FSTL5: variants seen among roughly 807,000 people sequenced by gnomAD.
The protein encoded by FSTL5 is follistatin-related protein 5.
FSTL5 carries 62 observed loss-of-function variants against 89.1 expected under a neutral mutation model. That is an observed-to-expected ratio of 0.70 (90% confidence interval 0.57 to 0.86). The LOEUF is 0.86. Among genes scored for constraint, FSTL5 ranks in the 40% least tolerant of loss-of-function variants. The pLI is 0.00. For synonymous variants in FSTL5, 383 were observed against 346.2 expected, an observed-to-expected ratio of 1.11 and a Z score of -1.18; for missense variants, 1,057 against 1,001.6, an observed-to-expected ratio of 1.06 and a Z score of -0.75.
chr4:162,113,779 A>T (rs1262224602), intron 1 of FSTL5, among the ~76,000 whole-genome samples: 1 of 152,060 alleles, frequency 6.6e-6, no homozygotes, highest in Non-Finnish European at 1.5e-5. Context: ...CACACATCAG[A>T]CATTTCTCTC....
chr4:161,440,412 C>T (rs1031884736), intron 15 of FSTL5, among the ~76,000 whole-genome samples: 2 of 150,226 alleles, frequency 1.3e-5, no homozygotes, highest in East Asian at 1.9e-4. Context: ...GCTGATGAGC[C>T]GAAAAAGAAA....
At chr4:161,722,220 G>T (rs1739243087) in intron 6 of FSTL5, among the ~76,000 whole-genome samples, 1 of 152,082 alleles carries the variant, frequency 6.6e-6, no homozygotes, top group Non-Finnish European at 1.5e-5. Context: ...GGAATTAAAT[G>T]CAAATGCAAA....
chr4:161,437,566 A>AAAAAAC (rs1491466417), intron 15 of FSTL5, among the ~76,000 whole-genome samples: 24 of 47,852 alleles, frequency 5.0e-4, no homozygotes, highest in Non-Finnish European at 1.7e-3. Context: ...ACTCCGTCTC[A>AAAAAAC]AAAAAAAAAA....
chr4:161,544,090 A>G (rs191235775), intron 8 of FSTL5, among the ~76,000 whole-genome samples: 1 of 152,112 alleles, frequency 6.6e-6, no homozygotes, highest in Admixed American at 6.6e-5. Flanking sequence ...TCATTTCTCT[A>G]TTGAAGATGT....
chr4:161,963,035 G>C (rs931341212), intron 3 of FSTL5, among the ~76,000 whole-genome samples: 1 of 151,806 alleles, frequency 6.6e-6, no homozygotes, highest in African/African-American at 2.4e-5. Flanking sequence ...ATTTTGTTTA[G>C]CTCAAACTTA....
intron 4 of FSTL5, among the ~76,000 whole-genome samples, chr4:161,803,555 T>G (rs930159705): frequency 6.6e-6 from 1 of 151,972 alleles, no homozygotes. Flanking sequence ...AGTTTCCAAT[T>G]GCTGACCTAC....
At chr4:161,845,483 A>G (rs926845862) in intron 4 of FSTL5, among the ~76,000 whole-genome samples, 1 of 152,184 alleles carries the variant, frequency 6.6e-6, no homozygotes, top group Admixed American at 6.6e-5. Flanking sequence ...AAGTGATATT[A>G]TCAAGGTTGA....
In FSTL5 at chr4:162,043,274, G is replaced by T. The variant is rs1031342163; in HGVS notation, c.127-9616C>A. The T allele has an allele frequency of 5.3e-5, 8 of 152,140 alleles. No homozygotes were observed. The East Asian group carries it at 9.6e-4, about 18-fold the overall frequency. The allele number at this position is 152,140 out of a possible 1,614,324, so 9.4% of individuals were successfully genotyped here. ...CATACCTCAAAATATTGCAGGATCAGTTCCAGACCACTGCCATGAAGTCAA... is the reference window on the plus strand; with the variant it reads ...CATACCTCAAAATATTGCAGGATCATTTCCAGACCACTGCCATGAAGTCAA... On this transcript the variant is annotated intron_variant, in intron 2 of 15. Transcript: ENST00000306100.
chr4:162,092,628 A>C (rs1006872813), intron 2 of FSTL5, among the ~76,000 whole-genome samples: 2 of 152,168 alleles, frequency 1.3e-5, no homozygotes, highest in East Asian at 3.9e-4. Context: ...CTAGAAACCC[A>C]AAAATTCTAA....
intron 10 of FSTL5, among the ~76,000 whole-genome samples, chr4:161,515,734 C>A (rs914314447): frequency 1.3e-5 from 2 of 151,604 alleles, no homozygotes; most frequent in Admixed American, 1.3e-4. Flanking sequence ...AACCTAGTAC[C>A]AATATCAGAT....
At chr4:161,709,566 C>T (rs1738704382) in intron 6 of FSTL5, among the ~76,000 whole-genome samples, 1 of 151,872 alleles carries the variant, frequency 6.6e-6, no homozygotes, top group African/African-American at 2.4e-5. Flanking sequence ...TTTGGGAGGC[C>T]GAGGCAGGAT....
chr4:161,885,345 G>A (rs1732773522), intron 4 of FSTL5, among the ~76,000 whole-genome samples: 1 of 151,962 alleles, frequency 6.6e-6, no homozygotes, highest in South Asian at 2.1e-4. Context: ...ACTCTGTTTT[G>A]GAAATCTAAC....
At chr4:162,157,688 A>G (rs1733535431) in intron 1 of FSTL5, among the ~76,000 whole-genome samples, 1 of 152,166 alleles carries the variant, frequency 6.6e-6, no homozygotes, top group South Asian at 2.1e-4. Context: ...TTTCCACTTT[A>G]AAGTTAAACA....
intron 8 of FSTL5, among the ~76,000 whole-genome samples, chr4:161,572,783 T>A (rs1346721358): frequency 6.6e-6 from 1 of 152,118 alleles, no homozygotes; most frequent in African/African-American, 2.4e-5. Context: ...GGTGACTGAA[T>A]GAAACAGAAC....
At chr4:162,034,414 G>GTTTAT (rs1272438024) in intron 2 of FSTL5, among the ~76,000 whole-genome samples, 115 of 152,132 alleles carry the variant, frequency 7.6e-4, no homozygotes, top group Non-Finnish European at 2.9e-5. Flanking sequence ...CTTTGCTTTA[G>GTTTAT]TTTAACTTAG....
At chr4:161,574,697 C>A (rs1223790139) in intron 8 of FSTL5, among the ~76,000 whole-genome samples, 1 of 152,042 alleles carries the variant, frequency 6.6e-6, no homozygotes, top group East Asian at 1.9e-4. Context: ...TTAACTCATC[C>A]TTTTTTACAG....
At chr4:161,508,934 T>C (rs1456955818) in intron 11 of FSTL5, among the ~76,000 whole-genome samples, 2 of 152,230 alleles carry the variant, frequency 1.3e-5, no homozygotes, top group Admixed American at 6.5e-5. Flanking sequence ...TTAAGTGTTA[T>C]TCCTTCCATT....
intron 6 of FSTL5, among the ~76,000 whole-genome samples, chr4:161,736,776 A>G (rs1383509300): frequency 6.6e-6 from 1 of 152,062 alleles, no homozygotes; most frequent in African/African-American, 2.4e-5. Context: ...GTATGGGGTT[A>G]AATTGTACTT....
intron 7 of FSTL5, among the ~76,000 whole-genome samples, chr4:161,627,719 A>G (rs1194958390): frequency 2.0e-5 from 3 of 152,144 alleles, no homozygotes; most frequent in Non-Finnish European, 4.4e-5. Flanking sequence ...CAACCAGATA[A>G]TTTCCCATAT....
Sources: allele counts gnomAD v4.1 joint callset (sites outside exome capture counted in the v4.1 genomes callset), GRCh38; gene constraint gnomAD v4.1.1; transcripts MANE v1.5; gene names NCBI Gene and HGNC (gene_info 2026-07-23, HGNC 2026-07-21).